SHROOM3: variants seen among roughly 807,000 people sequenced by gnomAD.
The protein encoded by SHROOM3 is protein Shroom3.
Under a neutral mutation model 138.6 loss-of-function variants are expected in SHROOM3, and 47 were observed. That is an observed-to-expected ratio of 0.34 (90% confidence interval 0.27 to 0.43). The LOEUF (loss-of-function observed/expected upper bound fraction) is 0.43. Among genes scored for constraint, SHROOM3 ranks in the 20% least tolerant of loss-of-function variants. The pLI is 1.00. For missense variants in SHROOM3, 2,491 were observed against 2,596.5 expected, an observed-to-expected ratio of 0.96 and a Z score of 0.88; for synonymous variants, 1,062 against 1,063.3, an observed-to-expected ratio of 1.00 and a Z score of 0.02.
chr4:76,612,693 C>A (rs1290496007), intron 2 of SHROOM3, among the ~76,000 whole-genome samples: 2 of 152,110 alleles, frequency 1.3e-5, no homozygotes, highest in African/African-American at 4.8e-5. Context: ...AATCCCAGCA[C>A]TTTGGAACAC....
Position 76,592,325 on chromosome 4 carries a change from G to A in SHROOM3, c.323+36562G>A, listed in dbSNP as rs182657322. Among the ~76,000 whole-genome samples the A allele has an allele frequency of 2.0e-5, 3 of 152,300 alleles. No individual in the cohort carries two copies. The East Asian group carries it at 5.8e-4, about 29-fold the overall frequency. On this transcript the variant is annotated intron_variant, in intron 2 of 10. Coordinates refer to ENST00000296043, the MANE Select transcript of SHROOM3 (RefSeq NM_020859.4). Reference sequence around the variant, plus strand: ...AAATCCTAGGAGAACTTGCTTCACAGAGCAGTTGTGAGCATTAAATGAAAT... The same window carrying A: ...AAATCCTAGGAGAACTTGCTTCACAAAGCAGTTGTGAGCATTAAATGAAAT...
intron 1 of SHROOM3, among the ~76,000 whole-genome samples, chr4:76,527,879 G>T (rs537526450): frequency 1.3e-5 from 2 of 152,320 alleles, no homozygotes; most frequent in African/African-American, 4.8e-5. Context: ...ATTGGCTGGG[G>T]CTTGGCTTTC....
chr4:76,681,553 G>A (rs1372184063), intron 2 of SHROOM3, among the ~76,000 whole-genome samples: 2 of 147,524 alleles, frequency 1.4e-5, no homozygotes, highest in African/African-American at 5.1e-5. Flanking sequence ...TCTAGCTCCT[G>A]GGGTTGCAGC....
chr4:76,441,163 C>G (rs1328312048), intron 1 of SHROOM3, among the ~76,000 whole-genome samples: 1 of 145,100 alleles, frequency 6.9e-6, no homozygotes, highest in African/African-American at 2.6e-5. Context: ...GGCGCGATCT[C>G]GGCTCACTGC....
At chr4:76,464,964 A>G (rs1178869244) in intron 1 of SHROOM3, among the ~76,000 whole-genome samples, 1 of 152,204 alleles carries the variant, frequency 6.6e-6, no homozygotes, top group Non-Finnish European at 1.5e-5. Context: ...AAAATGGACT[A>G]ATACATCACC....
At chr4:76,645,574 C>T (rs1302035516) in intron 2 of SHROOM3, 1 of 152,212 alleles carries the variant, frequency 6.6e-6, no homozygotes, top group Non-Finnish European at 1.5e-5. Context: ...TCTGGGAGAA[C>T]ATCCTTAAAA....
chr4:76,488,481 G>A (rs1731784159), intron 1 of SHROOM3, among the ~76,000 whole-genome samples: 1 of 152,206 alleles, frequency 6.6e-6, no homozygotes, highest in Non-Finnish European at 1.5e-5. Context: ...TTGTTTCATT[G>A]GAGAGGAATA....
At chr4:76,579,779 C>A (rs1159995808) in intron 2 of SHROOM3, among the ~76,000 whole-genome samples, 1 of 152,192 alleles carries the variant, frequency 6.6e-6, no homozygotes, top group East Asian at 1.9e-4. Flanking sequence ...CACTGGTTGG[C>A]CAGTTATCTT....
At chr4:76,456,832 A>G (rs1189114723) in intron 1 of SHROOM3, among the ~76,000 whole-genome samples, 2 of 152,184 alleles carry the variant, frequency 1.3e-5, no homozygotes, top group African/African-American at 2.4e-5. Flanking sequence ...GTGGATTATC[A>G]TTAGTTCTTA....
intron 2 of SHROOM3, among the ~76,000 whole-genome samples, chr4:76,627,437 T>G (rs1192180122): frequency 1.3e-5 from 2 of 152,200 alleles, no homozygotes; most frequent in South Asian, 4.1e-4. Context: ...CTTGTAGATA[T>G]GCCAGTAAGA....
Position 76,754,646 on chromosome 4 carries a change from GAAGC to G in SHROOM3, c.4166_4169del (p.Ser1389MetfsTer5). 4 of 1,614,190 alleles carry G rather than the reference GAAGC, an allele frequency of 2.5e-6. No individual in the cohort carries two copies. The highest frequency in any genetic ancestry group is 2.5e-6 in the Non-Finnish European group (3 of 1,180,024). ...CCCTACACCCCTGCCATGATGCACA[GAAGC>G]AATGGTCACACCCTGACCCAGCCTC... is the stretch of plus-strand genomic sequence containing the variant. On this transcript the variant is annotated frameshift_variant, in exon 7 of 11. Coordinates refer to ENST00000296043, the MANE Select transcript of SHROOM3 (RefSeq NM_020859.4). LOFTEE classifies it high-confidence loss of function.
chr4:76,573,277 AG>A (rs1187896406), intron 2 of SHROOM3, among the ~76,000 whole-genome samples: 1 of 151,408 alleles, frequency 6.6e-6, no homozygotes, highest in Non-Finnish European at 1.5e-5. Context: ...TAGTCAAAGT[AG>A]GTACCCAATT....
At chr4:76,490,238 C>A (rs116346263) in intron 1 of SHROOM3, among the ~76,000 whole-genome samples, 1 of 152,038 alleles carries the variant, frequency 6.6e-6, no homozygotes, top group African/African-American at 2.4e-5. Context: ...AAGACTTAGC[C>A]GGCAATCAGT....
intron 1 of SHROOM3, among the ~76,000 whole-genome samples, chr4:76,488,790 C>T (rs1579189031): frequency 6.6e-6 from 1 of 152,208 alleles, no homozygotes; most frequent in Non-Finnish European, 1.5e-5. Context: ...ATATGTCAGG[C>T]AGTGCACTAA....
chr4:76,671,425 G>A (rs1427017074), intron 2 of SHROOM3, among the ~76,000 whole-genome samples: 2 of 152,144 alleles, frequency 1.3e-5, no homozygotes, highest in African/African-American at 2.4e-5. Context: ...TGTGTATCTG[G>A]AGCCGGCCAG....
intron 2 of SHROOM3, chr4:76,689,670 C>T (rs1174635741): frequency 7.1e-6 from 7 of 985,218 alleles, no homozygotes; most frequent in African/African-American, 1.7e-5. Flanking sequence ...CCCGAGCAGC[C>T]CGGGGGCGGC....
chr4:76,556,844 C>T (rs1404406799), intron 2 of SHROOM3, among the ~76,000 whole-genome samples: 2 of 152,190 alleles, frequency 1.3e-5, no homozygotes, highest in Non-Finnish European at 2.9e-5. Context: ...GGAACAGCAG[C>T]TCCTCCCAGC....
intron 2 of SHROOM3, among the ~76,000 whole-genome samples, chr4:76,582,456 C>T (rs978841546): frequency 1.3e-5 from 2 of 152,076 alleles, no homozygotes; most frequent in Non-Finnish European, 2.9e-5. Context: ...TCTCTAATCC[C>T]AAACAAGCAC....
intron 1 of SHROOM3, among the ~76,000 whole-genome samples, chr4:76,507,679 C>T (rs1448516404): frequency 6.6e-6 from 1 of 151,930 alleles, no homozygotes; most frequent in East Asian, 1.9e-4. Context: ...GCTGGGACTA[C>T]AGGCGCCCGC....
Sources: allele counts gnomAD v4.1 joint callset (sites outside exome capture counted in the v4.1 genomes callset), GRCh38; gene constraint gnomAD v4.1.1; transcripts MANE v1.5; gene names NCBI Gene and HGNC (gene_info 2026-07-23, HGNC 2026-07-21).